Variants in NUMB observed in about 807,000 individuals in gnomAD.
NUMB encodes the protein NUMB endocytic adaptor protein.
NUMB carries 29 observed loss-of-function variants against 59.7 expected under a neutral mutation model. The ratio of observed to expected loss-of-function variants is 0.49; its 90% CI spans 0.36 to 0.66. The LOEUF (loss-of-function observed/expected upper bound fraction) is 0.66. Among genes scored for constraint, NUMB ranks in the 30% least tolerant of loss-of-function variants. NUMB has a pLI of 0.00. For synonymous variants in NUMB, 288 were observed against 288.2 expected, an observed-to-expected ratio of 1.00 and a Z score of 0.01; for missense variants, 723 against 822.0, an observed-to-expected ratio of 0.88 and a Z score of 1.47.
At chr14:73,294,178 T>G (rs779399470) in intron 7 of NUMB, among the ~76,000 whole-genome samples, 1 of 152,198 alleles carries the variant, frequency 6.6e-6, no homozygotes, top group Non-Finnish European at 1.5e-5. Flanking sequence ...TGGAAAACTC[T>G]TATCTTTTGA....
At chr14:73,327,113 C>T (rs1891702806) in intron 4 of NUMB, among the ~76,000 whole-genome samples, 1 of 152,068 alleles carries the variant, frequency 6.6e-6, no homozygotes, top group African/African-American at 2.4e-5. Flanking sequence ...AGTCCTTTCC[C>T]TGGCAAATTC....
At position 73,292,932 on chromosome 14, in the gene NUMB, G is replaced by C. The variant is rs1204535353; in HGVS notation, c.310-58C>G. ...CTTATGAGGTTATCTGAGCTTCTCA[G>C]AACACAGGATGTTCATTTCATGATG... On this transcript the variant is annotated intron_variant, in intron 7 of 12. Transcript: ENST00000555238. 1.4e-5 allele frequency: 22 copies of C among 1,544,484 alleles called. No homozygotes were observed. In the African/African-American group the frequency reaches 2.9e-4, roughly 20 times the overall value.
At chr14:73,393,779 G>A (rs1302877407) in intron 2 of NUMB, among the ~76,000 whole-genome samples, 1 of 152,042 alleles carries the variant, frequency 6.6e-6, no homozygotes, top group African/African-American at 2.4e-5. Context: ...TCATTTTATT[G>A]TCTCTCTGAG....
At chr14:73,452,535 G>A (rs968394320) in intron 1 of NUMB, among the ~76,000 whole-genome samples, 3 of 152,120 alleles carry the variant, frequency 2.0e-5, no homozygotes, top group Non-Finnish European at 4.4e-5. Context: ...AAAAAGGAAC[G>A]TAACTTATCA....
At chr14:73,429,920 G>A (rs1285317199) in intron 1 of NUMB, among the ~76,000 whole-genome samples, 1 of 151,608 alleles carries the variant, frequency 6.6e-6, no homozygotes, top group Non-Finnish European at 1.5e-5. Flanking sequence ...ACTCCAGCCT[G>A]GGCCATAAAG....
intron 5 of NUMB, chr14:73,322,775 G>C (rs1404120121): frequency 6.5e-6 from 1 of 152,830 alleles, no homozygotes; most frequent in African/African-American, 2.4e-5. Context: ...AATTTAAACG[G>C]CTCATCTAAT....
intron 2 of NUMB, among the ~76,000 whole-genome samples, chr14:73,400,477 CAT>C (rs1896360207): frequency 3.3e-5 from 5 of 152,216 alleles, no homozygotes; most frequent in Admixed American, 3.3e-4. Flanking sequence ...AATTATGAAA[CAT>C]ATAATTGGTC....
chr14:73,447,607 G>A (rs1480916376), intron 1 of NUMB, among the ~76,000 whole-genome samples: 1 of 150,426 alleles, frequency 6.6e-6, no homozygotes, highest in African/African-American at 2.4e-5. Flanking sequence ...GGAGACTGAG[G>A]CAGGAGGATC....
At chr14:73,388,960 G>T (rs894718190) in intron 2 of NUMB, among the ~76,000 whole-genome samples, 2 of 152,050 alleles carry the variant, frequency 1.3e-5, no homozygotes, top group African/African-American at 2.4e-5. Context: ...TTAGCAGGGC[G>T]TGGTGGCGGG....
chr14:73,374,973 G>A (rs556816418), intron 2 of NUMB, among the ~76,000 whole-genome samples: 108 of 151,782 alleles, frequency 7.1e-4, no homozygotes, highest in African/African-American at 2.3e-3. Context: ...TGCCCGCTTC[G>A]GACACCCAAA....
rs1294851039 is a variant in NUMB, at chr14:73,275,634, G to T, written c.*944C>A. 6.6e-6 allele frequency: 1 copy of T among 152,070 alleles called. No homozygotes were observed. The highest frequency in any genetic ancestry group is 2.4e-5 in the African/African-American group (1 of 41,376). 9.4% of individuals were successfully genotyped at this position (152,070 alleles called of 1,614,324 possible). A position where few individuals can be genotyped will look rare whatever the true frequency, so the allele number is the denominator to read the frequency against. ...ATATATTCTCTATAGAGCATATTTC[G>T]ATTGATTCCATTAAAATAATGACAT... On this transcript the variant is annotated 3_prime_UTR_variant, in exon 13 of 13. Coordinates refer to ENST00000555238, the MANE Select transcript of NUMB (RefSeq NM_001005743.2).
intron 4 of NUMB, among the ~76,000 whole-genome samples, chr14:73,341,252 T>C (rs1210147087): frequency 6.6e-6 from 1 of 152,202 alleles, no homozygotes; most frequent in African/African-American, 2.4e-5. Flanking sequence ...ATTTTTATTT[T>C]ACGTGGTGGG....
In NUMB at chr14:73,305,131, C is replaced by A. The variant is rs1004498564; in HGVS notation, c.235-7846G>T. 2.0e-5 allele frequency among the ~76,000 whole-genome samples: 3 copies of A among 152,108 alleles called. 1 individual carries two copies. Among genetic ancestry groups the A allele is most frequent in the Admixed American group, 2.0e-4 (3 of 15,262 alleles). On this transcript the variant is annotated intron_variant, in intron 6 of 12. Transcript: ENST00000555238. Reference sequence around the variant, plus strand: ...CCGTTTTTTGTGAAGGACCAGACAACAAAATATTTTAGGCTTTTCAGGACA... The same window carrying A: ...CCGTTTTTTGTGAAGGACCAGACAAAAAAATATTTTAGGCTTTTCAGGACA...
intron 6 of NUMB, among the ~76,000 whole-genome samples, chr14:73,312,007 C>G (rs1594892995): frequency 6.6e-6 from 1 of 152,272 alleles, no homozygotes; most frequent in South Asian, 2.1e-4. Context: ...ACTTGCCCCT[C>G]TCTGTTTTCC....
At chr14:73,403,767 C>T (rs1594996148) in intron 2 of NUMB, among the ~76,000 whole-genome samples, 1 of 151,852 alleles carries the variant, frequency 6.6e-6, no homozygotes, top group African/African-American at 2.4e-5. Flanking sequence ...ACCAACCTGG[C>T]CAACATGGCA....
chr14:73,395,882 G>T (rs1896105729), intron 2 of NUMB, among the ~76,000 whole-genome samples: 1 of 152,160 alleles, frequency 6.6e-6, no homozygotes, highest in Non-Finnish European at 1.5e-5. Context: ...GGTGAATTGA[G>T]TTCTAGAATG....
At chr14:73,288,821 T>C (rs954875307) in intron 8 of NUMB, among the ~76,000 whole-genome samples, 7 of 151,978 alleles carry the variant, frequency 4.6e-5, no homozygotes, top group African/African-American at 1.4e-4. Flanking sequence ...ATCGTGCCAT[T>C]GCACTCCAGC....
chr14:73,432,932 T>C (rs1358584057), intron 1 of NUMB, among the ~76,000 whole-genome samples: 2 of 152,170 alleles, frequency 1.3e-5, no homozygotes, highest in Admixed American at 6.6e-5. Flanking sequence ...TGACCAGACA[T>C]GGTGGTTCAC....
intron 5 of NUMB, among the ~76,000 whole-genome samples, chr14:73,321,248 A>G (rs1341118287): frequency 6.6e-6 from 1 of 152,206 alleles, no homozygotes; most frequent in Admixed American, 6.5e-5. Flanking sequence ...CCATTTCACC[A>G]TAAGTTGTGT....
Sources: gnomAD v4.1 joint callset for allele counts (sites outside exome capture counted in the v4.1 genomes callset) on GRCh38, gnomAD v4.1.1 for gene constraint, MANE v1.5 for transcripts, NCBI Gene and HGNC (gene_info 2026-07-23, HGNC 2026-07-21) for gene names.